STX5: variants seen among roughly 807,000 people sequenced by gnomAD.
The protein encoded by STX5 is syntaxin 5.
In STX5, 15 loss-of-function variants were observed where a neutral mutation model predicts 42.9. The observed-to-expected ratio is 0.35, with a 90% CI of 0.23 to 0.54. The LOEUF (loss-of-function observed/expected upper bound fraction) is 0.54. Among genes scored for constraint, STX5 ranks in the 20% least tolerant of loss-of-function variants. The pLI is 0.91. For missense variants in STX5, 430 were observed against 455.0 expected, an observed-to-expected ratio of 0.95 and a Z score of 0.50; for synonymous variants, 184 against 173.2, an observed-to-expected ratio of 1.06 and a Z score of -0.49.
At chr11:62,818,629 A>G (rs955029029) in intron 10 of STX5, among the ~76,000 whole-genome samples, 9 of 148,850 alleles carry the variant, frequency 6.0e-5, no homozygotes, top group African/African-American at 1.7e-4. Flanking sequence ...AGGTGGGAAG[A>G]TTTCTTGAGC....
intron 1 of STX5, 65 bp downstream of exon 1, chr11:62,831,888 GC>G (rs1046979737): frequency 2.7e-5 from 12 of 451,192 alleles, no homozygotes; most frequent in African/African-American, 2.4e-4. Context: ...GCCAGTCGTC[GC>G]CCCCGTAAAA....
intron 1 of STX5, among the ~76,000 whole-genome samples, chr11:62,831,565 G>C (rs750020001): frequency 2.0e-5 from 3 of 152,108 alleles, no homozygotes; most frequent in Non-Finnish European, 4.4e-5. Context: ...GGCCCGGCCC[G>C]TGTAACTGCC....
chr11:62,821,401 C>T (rs2084738980), intron 10 of STX5, among the ~76,000 whole-genome samples: 1 of 152,082 alleles, frequency 6.6e-6, no homozygotes, highest in South Asian at 2.1e-4. Context: ...TTACAAATCC[C>T]AGAGTATACA....
intron 1 of STX5, 48 bp downstream of exon 1, chr11:62,831,905 GC>G (rs1565218587): frequency 2.2e-6 from 1 of 455,960 alleles, no homozygotes; most frequent in Non-Finnish European, 4.4e-6. Flanking sequence ...TAAAACCACT[GC>G]CCCAGAGCTG....
At chr11:62,814,946 ATGTAAAC>A (rs1164671656) in intron 10 of STX5, among the ~76,000 whole-genome samples, 1 of 152,012 alleles carries the variant, frequency 6.6e-6, no homozygotes, top group African/African-American at 2.4e-5. Context: ...AACTGGGAAA[ATGTAAAC>A]CCTCACTGGA....
intron 10 of STX5, among the ~76,000 whole-genome samples, chr11:62,823,091 C>A (rs1006166231): frequency 6.6e-5 from 10 of 152,128 alleles, no homozygotes; most frequent in Admixed American, 3.3e-4. Flanking sequence ...TGGTTGGATC[C>A]CTCTTGTCAT....
At chr11:62,819,709 T>C (rs987519468) in intron 10 of STX5, among the ~76,000 whole-genome samples, 2 of 151,754 alleles carry the variant, frequency 1.3e-5, no homozygotes, top group African/African-American at 4.8e-5. Context: ...TTTGTTTTTG[T>C]TTTTTCAGAG....
chr11:62,809,629 G>A (rs1345680843), intron 10 of STX5, among the ~76,000 whole-genome samples: 10 of 115,624 alleles, frequency 8.6e-5, no homozygotes, highest in Non-Finnish European at 1.5e-4. Context: ...AGTGGAGATC[G>A]CACCATTGCA....
Position 62,827,591 on chromosome 11 carries a change from C to T in STX5, c.266G>A (p.Arg89Gln), listed in dbSNP as rs542193132. Reference protein sequence around the residue: ...QTNKPALRAVRQRSEFTLMAK... With the variant: ...QTNKPALRAVQQRSEFTLMAK... ...CATGAGGGTGAATTCACTGCGTTGT[C>T]GGACAGCACGCAAAGCTGGCTTATT... The change falls in exon 3 of 11, where the codon CGA becomes CAA. Residue 89 changes from arginine (R) to glutamine (Q), a missense_variant. Transcript: ENST00000294179. The T allele has an allele frequency of 4.3e-6, 7 of 1,614,210 alleles. No individual in the cohort carries two copies. The highest frequency in any genetic ancestry group is 2.2e-5 in the South Asian group (2 of 91,074).
At chr11:62,810,447 AAAAG>A (rs1185751264) in intron 10 of STX5, among the ~76,000 whole-genome samples, 9 of 152,156 alleles carry the variant, frequency 5.9e-5, no homozygotes, top group Non-Finnish European at 1.2e-4. Flanking sequence ...GTCTCAAAAG[AAAAG>A]AAAAAAACAA....
chr11:62,812,564 G>A (rs963688445), intron 10 of STX5, among the ~76,000 whole-genome samples: 3 of 151,788 alleles, frequency 2.0e-5, no homozygotes, highest in African/African-American at 4.8e-5. Flanking sequence ...GACTACAGGC[G>A]CCGGTCACCA....
intron 10 of STX5, among the ~76,000 whole-genome samples, chr11:62,817,114 G>T (rs2084682588): frequency 6.6e-6 from 1 of 151,894 alleles, no homozygotes. Flanking sequence ...TTTTAGTGGA[G>T]ACGGGGTTTC....
intron 10 of STX5, among the ~76,000 whole-genome samples, chr11:62,811,838 T>C (rs889510903): frequency 6.6e-6 from 1 of 152,066 alleles, no homozygotes; most frequent in Non-Finnish European, 1.5e-5. Flanking sequence ...TGTCAACTTA[T>C]GTCTCTCCTA....
At chr11:62,816,307 C>T (rs985545192) in intron 10 of STX5, among the ~76,000 whole-genome samples, 7 of 152,142 alleles carry the variant, frequency 4.6e-5, no homozygotes, top group Admixed American at 2.0e-4. Flanking sequence ...TTTAGAGATA[C>T]GGTCTCACTC....
chr11:62,807,742 T>C (rs769841538), intron 10 of STX5, 114 bp from the exon 11 acceptor site: 1 of 1,486,806 alleles, frequency 6.7e-7, no homozygotes, highest in Non-Finnish European at 9.0e-7. Flanking sequence ...CATTCTTATA[T>C]ATATTTGTGT....
chr11:62,808,870 GAACAA>G (rs1171487730), intron 10 of STX5, among the ~76,000 whole-genome samples: 2 of 151,992 alleles, frequency 1.3e-5, no homozygotes, highest in African/African-American at 4.8e-5. Context: ...ATTTAACATT[GAACAA>G]AACAAGTTGA....
chr11:62,827,322 A>G (rs906897121), intron 4 of STX5, 21 bp downstream of exon 4: 2 of 1,614,214 alleles, frequency 1.2e-6, no homozygotes, highest in African/African-American at 2.7e-5. Flanking sequence ...CCCACTTCTG[A>G]AAGACCCCAA....
At chr11:62,816,122 A>G (rs1263090983) in intron 10 of STX5, 1 of 152,182 alleles carries the variant, frequency 6.6e-6, no homozygotes, top group Non-Finnish European at 1.5e-5. Context: ...ATGTTAAAAT[A>G]TTTAAGGATT....
intron 10 of STX5, among the ~76,000 whole-genome samples, chr11:62,817,007 C>T (rs1441183844): frequency 6.6e-6 from 1 of 152,044 alleles, no homozygotes; most frequent in East Asian, 1.9e-4. Flanking sequence ...CTCTGTCACT[C>T]AGGCTGGAGT....
Sources: gnomAD v4.1 joint callset for allele counts (sites outside exome capture counted in the v4.1 genomes callset) on GRCh38, gnomAD v4.1.1 for gene constraint, MANE v1.5 for transcripts, NCBI Gene and HGNC (gene_info 2026-07-23, HGNC 2026-07-21) for gene names.